Variants in TULP4 observed in about 807,000 individuals in gnomAD.
The protein encoded by TULP4 is tubby-related protein 4.
A neutral mutation model predicts 129.0 loss-of-function variants in TULP4; 16 were observed. The observed-to-expected ratio is 0.12, with a 90% CI of 0.08 to 0.19. TULP4 has a LOEUF of 0.19. Ranked by LOEUF, TULP4 falls within the 10% of genes least tolerant of loss-of-function variation. TULP4 has a pLI of 1.00. For synonymous variants in TULP4, 998 were observed against 854.0 expected (o/e 1.17, Z -2.94); for missense variants, 1,842 against 2,059.1 (o/e 0.89, Z 2.04).
intron 1 of TULP4, among the ~76,000 whole-genome samples, chr6:158,267,117 C>T (rs1778460240): frequency 6.6e-6 from 1 of 152,180 alleles, no homozygotes; most frequent in South Asian, 2.1e-4. Flanking sequence ...AAGGTTCATC[C>T]ATGTTGTAGC....
chr6:158,274,590 C>A (rs1409449136), intron 1 of TULP4, among the ~76,000 whole-genome samples: 3 of 152,188 alleles, frequency 2.0e-5, no homozygotes, highest in Non-Finnish European at 4.4e-5. Context: ...TCCTGGCTAA[C>A]ACGTTGAAAC....
intron 6 of TULP4, among the ~76,000 whole-genome samples, chr6:158,476,344 G>A (rs1312611623): frequency 6.6e-6 from 1 of 152,080 alleles, no homozygotes; most frequent in African/African-American, 2.4e-5. Context: ...GGGATTTCCT[G>A]GTAACGTTGC....
chr6:158,422,942 G>T (rs1261687110), intron 2 of TULP4, among the ~76,000 whole-genome samples: 1 of 152,214 alleles, frequency 6.6e-6, no homozygotes, highest in Non-Finnish European at 1.5e-5. Flanking sequence ...ATGTTGGATG[G>T]ACCCAGTTTC....
At position 158,511,478 on chromosome 6, in the gene TULP4, C is replaced by T. The variant is rs780299890; in HGVS notation, c.*4784C>T. ...CACCAGCATGTTCATGTCCAGACCT[C>T]GGCAGTGGCGTGCACTGCTTGTGCA... On this transcript the variant is annotated 3_prime_UTR_variant, in exon 14 of 14. Coordinates refer to ENST00000367097, the MANE Select transcript of TULP4 (RefSeq NM_020245.5). 5 of 151,614 alleles carry T rather than the reference C, an allele frequency of 3.3e-5. No individual in the cohort carries two copies. Among genetic ancestry groups the T allele is most frequent in the African/African-American group, 4.9e-5 (2 of 40,998 alleles). 9.4% of individuals were successfully genotyped at this position (151,614 alleles called of 1,614,324 possible).
In TULP4 at chr6:158,502,382, A is replaced by T; in HGVS notation, c.2719A>T (p.Met907Leu). 6.2e-7 allele frequency: 1 copy of T among 1,613,680 alleles called. No homozygotes were observed. Among genetic ancestry groups the T allele is most frequent in the Non-Finnish European group, 8.5e-7 (1 of 1,179,938 alleles). The part of the protein sequence containing the change: ...VEEVCRPRTR[M>L]LCSQNTYTLP... ...GGAGGTGTGCCGGCCCCGCACCCGG[A>T]TGCTGTGCTCCCAGAACACGTACAC... is the stretch of plus-strand genomic sequence containing the variant. The change falls in exon 13 of 14, where the codon ATG becomes TTG. Residue 907 changes from methionine (M) to leucine (L), a missense_variant. By Grantham distance (15) the Met-to-Leu change is conservative (BLOSUM62 2). Transcript: ENST00000367097.
intron 1 of TULP4, among the ~76,000 whole-genome samples, chr6:158,315,217 G>A (rs1346647209): frequency 3.9e-5 from 6 of 152,064 alleles, no homozygotes; most frequent in African/African-American, 1.5e-4. Flanking sequence ...CTTATAAACA[G>A]TAGAAATTTA....
intron 1 of TULP4, among the ~76,000 whole-genome samples, chr6:158,364,167 C>G (rs2114846377): frequency 6.6e-6 from 1 of 152,188 alleles, no homozygotes; most frequent in East Asian, 1.9e-4. Flanking sequence ...AATTTGAATG[C>G]TATGAAAAAT....
At chr6:158,283,782 C>T (rs954291673) in intron 1 of TULP4, among the ~76,000 whole-genome samples, 1 of 152,158 alleles carries the variant, frequency 6.6e-6, no homozygotes, top group East Asian at 1.9e-4. Flanking sequence ...CTGCTTCTTG[C>T]ACCTCAGGCT....
At chr6:158,237,236 G>A in intron 1 of TULP4, 1 of 808,894 alleles carries the variant, frequency 1.2e-6, no homozygotes, top group Admixed American at 2.3e-5. Context: ...ATATGGAGAT[G>A]AAGAGGGAGC....
At chr6:158,342,947 A>ACGTGTGTGTGTGTGTG (rs1780214292) in intron 1 of TULP4, among the ~76,000 whole-genome samples, 4 of 147,520 alleles carry the variant, frequency 2.7e-5, no homozygotes, top group Non-Finnish European at 6.0e-5. Flanking sequence ...TTAAAAATAA[A>ACGTGTGTGTGTGTGTG]TGTGTGTGTG....
chr6:158,232,301 G>C (rs1448747922), exon 1 of TULP4: 1 of 148,308 alleles, frequency 6.7e-6, no homozygotes, highest in South Asian at 1.8e-4. Context: ...CGGCCGCCCG[G>C]AGGTGAGCGG....
chr6:158,422,670 G>A (rs565766200), intron 2 of TULP4, among the ~76,000 whole-genome samples: 14 of 152,200 alleles, frequency 9.2e-5, no homozygotes, highest in Non-Finnish European at 2.9e-5. Flanking sequence ...GAAAGAGGAG[G>A]TCCCCAAGTG....
chr6:158,440,267 A>T (rs1470725697), intron 3 of TULP4, among the ~76,000 whole-genome samples: 2 of 141,046 alleles, frequency 1.4e-5, no homozygotes, highest in African/African-American at 5.4e-5. Context: ...ACAGTGAGCC[A>T]TGATTGTGTC....
chr6:158,462,429 C>T (rs1158549777), intron 6 of TULP4, among the ~76,000 whole-genome samples: 1 of 149,400 alleles, frequency 6.7e-6, no homozygotes, highest in African/African-American at 2.5e-5. Flanking sequence ...GCTGGAGTGC[C>T]GTAGCGCATT....
At chr6:158,374,925 G>C (rs1777152733) in intron 1 of TULP4, among the ~76,000 whole-genome samples, 1 of 152,154 alleles carries the variant, frequency 6.6e-6, no homozygotes. Flanking sequence ...TTGTGGACTT[G>C]CTATGCTTAC....
chr6:158,240,658 C>T (rs1312581855), intron 1 of TULP4, among the ~76,000 whole-genome samples: 1 of 113,434 alleles, frequency 8.8e-6, no homozygotes, highest in Non-Finnish European at 2.0e-5. Flanking sequence ...CTGACCCCCC[C>T]ACCTCCCTCC....
intron 1 of TULP4, among the ~76,000 whole-genome samples, chr6:158,381,932 G>A (rs1010132087): frequency 2.0e-5 from 3 of 152,074 alleles, no homozygotes; most frequent in Non-Finnish European, 4.4e-5. Flanking sequence ...TATTGTTGTT[G>A]TTGTTTTTTC....
At chr6:158,361,108 A>G (rs180742391) in intron 1 of TULP4, among the ~76,000 whole-genome samples, 4 of 152,112 alleles carry the variant, frequency 2.6e-5, no homozygotes, top group African/African-American at 7.2e-5. Context: ...TCTTGGATTT[A>G]TCACAATATA....
chr6:158,479,941 C>A lies in TULP4; in HGVS notation c.1217C>A (p.Ser406Tyr), dbSNP rs1265957995. The change falls in exon 7 of 14, where the codon TCC becomes TAC. Residue 406 changes from serine to tyrosine, a missense_variant. Ser to Tyr is a moderately radical substitution (Grantham distance 144). Transcript: ENST00000367097. ...CTGACTCTGCCCCCCCGCCTCTGCT[C>A]CTACCTCTCCACTGCCTTCATCCCC... ...SKLTLPPRLCSYLSTAFIPTI... is the reference protein window; with the variant it reads ...SKLTLPPRLCYYLSTAFIPTI... The A allele has an allele frequency of 6.2e-7, 1 of 1,609,982 alleles. No homozygotes were observed. Among genetic ancestry groups the A allele is most frequent in the South Asian group, 1.1e-5 (1 of 91,020 alleles).
Sources: gnomAD v4.1 joint callset for allele counts (sites outside exome capture counted in the v4.1 genomes callset) on GRCh38, gnomAD v4.1.1 for gene constraint, MANE v1.5 for transcripts, NCBI Gene and HGNC (gene_info 2026-07-23, HGNC 2026-07-21) for gene names.